The following FAM124A variants were observed in gnomAD, a reference collection of about 807,000 sequenced individuals.
FAM124A encodes family with sequence similarity 124 member A, also known as protein FAM124A.
Under a neutral mutation model 24.5 loss-of-function variants are expected in FAM124A, and 23 were observed. That is an observed-to-expected ratio of 0.94 (90% CI 0.68 to 1.33). The LOEUF is 1.33. Ranked by LOEUF, FAM124A falls within the 40% of genes most tolerant of loss-of-function variation. The pLI, the probability that FAM124A is intolerant of heterozygous loss-of-function variation, is 0.00. For missense variants in FAM124A, 623 were observed against 722.8 expected, an observed-to-expected ratio of 0.86 and a Z score of 1.58; for synonymous variants, 287 against 314.7, an observed-to-expected ratio of 0.91 and a Z score of 0.93.
intron 2 of FAM124A, among the ~76,000 whole-genome samples, chr13:51,233,598 C>T (rs1483858713): frequency 6.6e-6 from 1 of 152,158 alleles, no homozygotes; most frequent in East Asian, 1.9e-4. Flanking sequence ...CCTGCGTCAG[C>T]ACCAGCACGG....
At position 51,251,783 on chromosome 13, in the gene FAM124A, G is replaced by A; in HGVS notation, c.416G>A (p.Arg139Gln). 3 of 1,589,482 alleles carry A rather than the reference G, an allele frequency of 1.9e-6. No homozygotes were observed. The highest frequency in any genetic ancestry group is 2.3e-5 in the East Asian group (1 of 43,430). The stretch of plus-strand genomic sequence containing the variant: ...CACCACACCGAGCAGGTGCACGGCC[G>A]GTTCCTGCCCTACCTGCCCTGCAGC... ...RHHHTEQVHG[R>Q]FLPYLPCSQD... The change falls in exon 3 of 4, where the codon CGG becomes CAG. Residue 139 changes from arginine to glutamine, a missense_variant. By Grantham distance (43) the Arg-to-Gln change is conservative. Transcript: ENST00000322475. This position sits in a 1 kb window ranked among gnomAD's most constrained non-coding sequence, Gnocchi z 5.3.
chr13:51,244,114 G>T (rs1954531079), intron 2 of FAM124A, among the ~76,000 whole-genome samples: 1 of 152,234 alleles, frequency 6.6e-6, no homozygotes, highest in African/African-American at 2.4e-5. Context: ...TTCACAGTCT[G>T]TTGGCCTCGT....
intron 1 of FAM124A, among the ~76,000 whole-genome samples, chr13:51,229,965 C>G (rs1954357973): frequency 6.6e-6 from 1 of 152,078 alleles, no homozygotes; most frequent in Admixed American, 6.6e-5. Flanking sequence ...CTTCGGAGTC[C>G]TTCCTCTCCA....
At chr13:51,235,222 CATA>C (rs1405782649) in intron 2 of FAM124A, among the ~76,000 whole-genome samples, 1 of 152,142 alleles carries the variant, frequency 6.6e-6, no homozygotes, top group Non-Finnish European at 1.5e-5. Context: ...CTCAATAAAT[CATA>C]ATACTTGCTA....
intron 3 of FAM124A, among the ~76,000 whole-genome samples, chr13:51,264,344 T>C (rs986170463): frequency 2.6e-5 from 4 of 152,206 alleles, no homozygotes; most frequent in African/African-American, 9.6e-5. Flanking sequence ...AACCTGACCC[T>C]TCACCTTGTA....
At chr13:51,279,014 T>G (rs1318618724) in intron 3 of FAM124A, among the ~76,000 whole-genome samples, 1 of 152,174 alleles carries the variant, frequency 6.6e-6, no homozygotes, top group East Asian at 1.9e-4. Flanking sequence ...GTGCATGTTC[T>G]CAAATAAGAC....
intron 3 of FAM124A, among the ~76,000 whole-genome samples, chr13:51,274,871 A>G (rs1954871577): frequency 6.6e-6 from 1 of 152,254 alleles, no homozygotes; most frequent in Non-Finnish European, 1.5e-5. Context: ...GTGAAGATTT[A>G]ACAATTAACC....
intron 2 of FAM124A, among the ~76,000 whole-genome samples, chr13:51,231,842 C>T (rs1258387854): frequency 6.6e-6 from 1 of 152,228 alleles, no homozygotes; most frequent in Admixed American, 6.5e-5. Context: ...CTGGCAAAAT[C>T]CTGCGAAGTG....
chr13:51,275,388 A>G (rs1205264217), intron 3 of FAM124A, among the ~76,000 whole-genome samples: 2 of 152,232 alleles, frequency 1.3e-5, no homozygotes, highest in African/African-American at 4.8e-5. Context: ...TAAAGAAATA[A>G]AGAAATAAAC....
At chr13:51,238,901 T>C (rs1349997507) in intron 2 of FAM124A, among the ~76,000 whole-genome samples, 1 of 152,272 alleles carries the variant, frequency 6.6e-6, no homozygotes, top group Non-Finnish European at 1.5e-5. Context: ...GACAACTCCT[T>C]TGATGCTTTG....
At chr13:51,233,415 T>C (rs1566161239) in intron 2 of FAM124A, among the ~76,000 whole-genome samples, 1 of 152,198 alleles carries the variant, frequency 6.6e-6, no homozygotes, top group Non-Finnish European at 1.5e-5. Context: ...GTAATTTTTC[T>C]CTCTATTGGC....
intron 1 of FAM124A, among the ~76,000 whole-genome samples, chr13:51,229,352 G>A (rs1954349861): frequency 6.6e-6 from 1 of 152,226 alleles, no homozygotes; most frequent in Non-Finnish European, 1.5e-5. Flanking sequence ...TGACCATTCG[G>A]CGGGCCCAAC....
chr13:51,264,361 C>T (rs778450749), intron 3 of FAM124A, among the ~76,000 whole-genome samples: 1 of 152,196 alleles, frequency 6.6e-6, no homozygotes, highest in Non-Finnish European at 1.5e-5. Context: ...TGTACATCCT[C>T]GGAAACTCAA....
intron 2 of FAM124A, among the ~76,000 whole-genome samples, chr13:51,234,339 C>T (rs1954412942): frequency 6.6e-6 from 1 of 152,182 alleles, no homozygotes. Flanking sequence ...AGACCTCCCT[C>T]CAGAGAGCAC....
chr13:51,275,386 T>G (rs1283091570), intron 3 of FAM124A, among the ~76,000 whole-genome samples: 3 of 151,610 alleles, frequency 2.0e-5, no homozygotes, highest in African/African-American at 7.3e-5. Flanking sequence ...TCTAAAGAAA[T>G]AAAGAAATAA....
chr13:51,243,362 A>G (rs1954521288), intron 2 of FAM124A, among the ~76,000 whole-genome samples: 1 of 152,178 alleles, frequency 6.6e-6, no homozygotes. Flanking sequence ...TACATTCCGG[A>G]TGAATAGCGT....
At chr13:51,222,601 G>T in intron 1 of FAM124A, 32 bp downstream of exon 1, 1 of 1,218,682 alleles carries the variant, frequency 8.2e-7, no homozygotes, top group South Asian at 4.1e-5. Flanking sequence ...CGCGGGCGGG[G>T]GGCGCTCTCC....
chr13:51,261,095 A>G (rs1236085547), intron 3 of FAM124A, among the ~76,000 whole-genome samples: 1 of 152,190 alleles, frequency 6.6e-6, no homozygotes, highest in African/African-American at 2.4e-5. Flanking sequence ...AACTGATTTC[A>G]TCCCATTTGC....
rs201507785 is a variant in FAM124A at position 51,280,578 on chromosome 13, C to A, written c.963C>A (p.Ser321=). Residue 321 remains serine, a synonymous_variant, in exon 4 of 4, where the codon TCC becomes TCA. Coordinates refer to ENST00000322475, the MANE Select transcript of FAM124A (RefSeq NM_001242312.2). ...PSHTPGSSQQ[S]PLNSPHPGPI... The stretch of plus-strand genomic sequence containing the variant: ...ATACACCTGGCAGCAGCCAGCAGTC[C>A]CCGCTCAACAGTCCTCACCCGGGGC... The A allele has an allele frequency of 6.2e-7, 1 of 1,614,120 alleles. No homozygotes were observed. Among genetic ancestry groups the A allele is most frequent in the Non-Finnish European group, 8.5e-7 (1 of 1,180,020 alleles).
Sources: gnomAD v4.1 joint callset for allele counts (sites outside exome capture counted in the v4.1 genomes callset) on GRCh38, gnomAD v4.1.1 for gene constraint, Gnocchi (gnomAD v3.1) non-coding constraint, MANE v1.5 for transcripts, NCBI Gene and HGNC (gene_info 2026-07-23, HGNC 2026-07-21) for gene names.